Variants in CCDC6 observed in about 807,000 individuals in gnomAD.
The protein encoded by CCDC6 is coiled-coil domain-containing protein 6.
In CCDC6, 20 loss-of-function variants were observed where a neutral mutation model predicts 56.6. The observed-to-expected ratio is 0.35, with a 90% CI of 0.25 to 0.51. CCDC6 has a LOEUF of 0.51. CCDC6 is among the 20% of genes least tolerant of loss of function. CCDC6 has a pLI of 0.95. For missense variants in CCDC6, 367 were observed against 601.1 expected (o/e 0.61, Z 4.07); for synonymous variants, 241 against 234.4 (o/e 1.03, Z -0.26).
At chr10:59,897,342 C>G (rs2071471346) in intron 1 of CCDC6, among the ~76,000 whole-genome samples, 1 of 152,062 alleles carries the variant, frequency 6.6e-6, no homozygotes, top group Admixed American at 6.5e-5. Flanking sequence ...CAACCTCCAC[C>G]TCCCGGGTTC....
Position 59,793,365 on chromosome 10 carries a change from G to C in CCDC6, c.1231-254C>G, listed in dbSNP as rs143055217. The stretch of plus-strand genomic sequence containing the variant: ...GTGTTGAACAAACTGCTGGACTTGG[G>C]TCCTTCAACGAGAGCTGTAAAATAT... On this transcript the variant is annotated intron_variant, in intron 8 of 8. Transcript: ENST00000263102. Among the ~76,000 whole-genome samples the C allele has an allele frequency of 7.2e-5, 11 of 152,294 alleles. No individual in the cohort carries two copies. The East Asian group carries it at 2.1e-3, about 29-fold the overall frequency.
intron 1 of CCDC6, among the ~76,000 whole-genome samples, chr10:59,897,521 GCTGGGATTA>G (rs1462567159): frequency 2.6e-5 from 4 of 152,168 alleles, no homozygotes; most frequent in Admixed American, 1.3e-4. Flanking sequence ...TCCCCAAAGT[GCTGGGATTA>G]CAGGCGTGAG....
intron 4 of CCDC6, among the ~76,000 whole-genome samples, chr10:59,813,525 T>A (rs1395170596): frequency 6.6e-6 from 1 of 152,196 alleles, no homozygotes; most frequent in Non-Finnish European, 1.5e-5. Context: ...AACTGCCTTT[T>A]ACAAAGTCTT....
At chr10:59,852,749 G>A in intron 1 of CCDC6, 47 bp from the exon 2 acceptor site, 4 of 1,395,734 alleles carry the variant, frequency 2.9e-6, no homozygotes, top group South Asian at 1.6e-5. Context: ...CACATGTTAA[G>A]GAAACAGGAA....
At position 59,792,754 on chromosome 10, in the gene CCDC6, G is replaced by C. The variant is rs766811019; in HGVS notation, c.*163C>G. On this transcript the variant is annotated 3_prime_UTR_variant, in exon 9 of 9. Transcript: ENST00000263102. ...TTAGTGTTGTAGACCCACAACACTG[G>C]CTGCATTTCTGACAAACATTTACAA... The C allele has an allele frequency of 4.8e-6, 4 of 828,508 alleles. No homozygotes were observed. The highest frequency in any genetic ancestry group is 1.3e-5 in the South Asian group (1 of 75,032). 51.3% of individuals were successfully genotyped at this position (828,508 alleles called of 1,614,324 possible).
At chr10:59,839,593 T>C (rs1033472649) in intron 2 of CCDC6, among the ~76,000 whole-genome samples, 17 of 152,182 alleles carry the variant, frequency 1.1e-4, no homozygotes, top group African/African-American at 4.1e-4. Context: ...AATATCCTAA[T>C]TCTTATGGTA....
chr10:59,906,179 C>T lies in CCDC6; in HGVS notation c.246G>A (p.Leu82=). ...TCTCCTCCTGCAGTGCCTTGCACTT[C>T]AGTTTGTAGGTCTCCAGCTCTATCT... The part of the protein sequence containing the change: ...VLKIELETYK[L]KCKALQEENR... Residue 82 remains leucine, a synonymous_variant, in exon 1 of 9, where the codon CTG becomes CTA. Transcript: ENST00000263102. 6.2e-7 allele frequency: 1 copy of T among 1,611,792 alleles called. No homozygotes were observed. Among genetic ancestry groups the T allele is most frequent in the Non-Finnish European group, 8.5e-7 (1 of 1,179,156 alleles).
chr10:59,880,639 A>C (rs1031039995), intron 1 of CCDC6, among the ~76,000 whole-genome samples: 5 of 152,204 alleles, frequency 3.3e-5, no homozygotes, highest in African/African-American at 1.2e-4. Context: ...TATGTGTATA[A>C]GTTATACTCC....
At chr10:59,840,270 A>G (rs539826070) in intron 2 of CCDC6, among the ~76,000 whole-genome samples, 1 of 152,370 alleles carries the variant, frequency 6.6e-6, no homozygotes, top group East Asian at 1.9e-4. Flanking sequence ...GGTACTACCA[A>G]ATTGTTTTCA....
chr10:59,795,467 CATTTTT>C (rs1482636058), intron 7 of CCDC6, among the ~76,000 whole-genome samples: 2 of 131,560 alleles, frequency 1.5e-5, no homozygotes, highest in African/African-American at 5.7e-5. Flanking sequence ...TTTTCTTATT[CATTTTT>C]ATTATTATTA....
intron 2 of CCDC6, among the ~76,000 whole-genome samples, chr10:59,848,376 T>G (rs2071011522): frequency 6.6e-6 from 1 of 152,188 alleles, no homozygotes; most frequent in South Asian, 2.1e-4. Context: ...TCAATTAGTC[T>G]CTGGTAAAAT....
chr10:59,854,587 T>C (rs1274138021), intron 1 of CCDC6, among the ~76,000 whole-genome samples: 3 of 152,176 alleles, frequency 2.0e-5, no homozygotes, highest in South Asian at 4.1e-4. Flanking sequence ...TTCCCTTACA[T>C]ACCTCCTATT....
chr10:59,801,192 GA>G (rs201045048), intron 7 of CCDC6, among the ~76,000 whole-genome samples: 4 of 148,422 alleles, frequency 2.7e-5, no homozygotes, highest in African/African-American at 4.9e-5. Flanking sequence ...TTTGGCTAAA[GA>G]AAAAAAAAAT....
At chr10:59,817,065 T>A (rs1399814549) in intron 3 of CCDC6, among the ~76,000 whole-genome samples, 1 of 152,216 alleles carries the variant, frequency 6.6e-6, no homozygotes, top group Non-Finnish European at 1.5e-5. Flanking sequence ...TGTTAAACAA[T>A]TCCTACCTGC....
intron 1 of CCDC6, 34 bp downstream of exon 1, chr10:59,906,088 T>G (rs754781975): frequency 3.3e-6 from 5 of 1,508,666 alleles, no homozygotes; most frequent in Admixed American, 3.9e-5. Context: ...CGGGCGGAGG[T>G]CGGCGCTGCG....
At chr10:59,859,347 G>A (rs2071108326) in intron 1 of CCDC6, among the ~76,000 whole-genome samples, 1 of 151,878 alleles carries the variant, frequency 6.6e-6, no homozygotes, top group South Asian at 2.1e-4. Flanking sequence ...CCATATATAT[G>A]CACTAACTCC....
chr10:59,852,779 GTTC>G (rs2071050139), intron 1 of CCDC6, 77 bp from the exon 2 acceptor site: 1 of 1,185,792 alleles, frequency 8.4e-7, no homozygotes, highest in Non-Finnish European at 1.1e-6. Flanking sequence ...TTGAAATATA[GTTC>G]TTATTTCCAG....
intron 2 of CCDC6, among the ~76,000 whole-genome samples, chr10:59,834,569 GAAAAAAAAAAA>G (rs11432454): frequency 8.2e-6 from 1 of 121,218 alleles, no homozygotes; most frequent in Non-Finnish European, 1.9e-5. Flanking sequence ...TCTCAAAAAA[GAAAAAAAAAAA>G]AGAAAAAAAA....
intron 7 of CCDC6, among the ~76,000 whole-genome samples, chr10:59,802,216 C>A: frequency 6.6e-6 from 1 of 152,036 alleles, no homozygotes; most frequent in African/African-American, 2.4e-5. Context: ...TAGTTTTAGG[C>A]TATGTATTTT....
Sources: allele counts gnomAD v4.1 joint callset (sites outside exome capture counted in the v4.1 genomes callset), GRCh38; gene constraint gnomAD v4.1.1; transcripts MANE v1.5; gene names NCBI Gene and HGNC (gene_info 2026-07-23, HGNC 2026-07-21).